Variants in THSD7B observed in about 807,000 individuals in gnomAD.
THSD7B encodes the protein thrombospondin type-1 domain-containing protein 7B.
THSD7B carries 138 observed loss-of-function variants against 213.6 expected under a neutral mutation model. The ratio of observed to expected loss-of-function variants is 0.65; its 90% CI spans 0.56 to 0.74. The LOEUF is 0.74. THSD7B is among the 30% of genes least tolerant of loss of function. The pLI, the probability that THSD7B is intolerant of heterozygous loss-of-function variation, is 0.00. For missense variants in THSD7B, 1,931 were observed against 1,991.5 expected (o/e 0.97, Z 0.58); for synonymous variants, 742 against 687.0 (o/e 1.08, Z -1.25).
At chr2:137,622,579 T>A (rs1194311145) in intron 20 of THSD7B, among the ~76,000 whole-genome samples, 1 of 151,992 alleles carries the variant, frequency 6.6e-6, no homozygotes, top group East Asian at 1.9e-4. Context: ...GATAGACAGC[T>A]GGCAAGACTA....
intron 2 of THSD7B, among the ~76,000 whole-genome samples, chr2:136,926,881 A>G (rs1280843593): frequency 1.3e-5 from 2 of 150,304 alleles, no homozygotes; most frequent in African/African-American, 2.5e-5. Flanking sequence ...CAAGTGTTCT[A>G]TAATTTCTCC....
intron 1 of THSD7B, among the ~76,000 whole-genome samples, chr2:136,786,220 T>A (rs1681845005): frequency 6.6e-6 from 1 of 152,200 alleles, no homozygotes; most frequent in Admixed American, 6.5e-5. Flanking sequence ...CACTTTAGTG[T>A]ATATTCACTT....
At chr2:137,280,351 A>G (rs1020255697) in intron 12 of THSD7B, among the ~76,000 whole-genome samples, 9 of 152,132 alleles carry the variant, frequency 5.9e-5, no homozygotes, top group Non-Finnish European at 1.2e-4. Flanking sequence ...ATACATTCAG[A>G]AAATACAAAT....
rs999080813 is a variant in THSD7B, at chr2:136,962,345, G to A, written c.139+80028G>A. ...AAGCTTGTGTCAAGTTGCTACATTC[G>A]TGGTAATTGGTTTACAGAGGCAATA... On this transcript the variant is annotated intron_variant, in intron 2 of 27. Coordinates refer to ENST00000409968, the MANE Select transcript of THSD7B (RefSeq NM_001316349.2). Among the ~76,000 whole-genome samples, 15 of 147,412 alleles carry A rather than the reference G, an allele frequency of 1.0e-4. 1 individual carries two copies. In the East Asian group the frequency reaches 1.2e-3, roughly 12 times the overall value.
chr2:137,264,697 A>G (rs1390082581), intron 10 of THSD7B, among the ~76,000 whole-genome samples: 1 of 152,052 alleles, frequency 6.6e-6, no homozygotes, highest in African/African-American at 2.4e-5. Flanking sequence ...ACACATATAG[A>G]GTAGCTATGG....
At chr2:137,547,592 C>A (rs532805642) in intron 15 of THSD7B, among the ~76,000 whole-genome samples, 1 of 152,136 alleles carries the variant, frequency 6.6e-6, no homozygotes, top group African/African-American at 2.4e-5. Flanking sequence ...AAAGATGCAG[C>A]AATTTCCTCC....
At chr2:137,023,670 G>T (rs72985560) in intron 2 of THSD7B, among the ~76,000 whole-genome samples, 3,035 of 152,136 alleles carry the variant, frequency 0.02, 96 homozygotes, top group African/African-American at 0.07. Context: ...GGTTAGTTAA[G>T]AAAGAATAAG....
intron 1 of THSD7B, among the ~76,000 whole-genome samples, chr2:136,795,725 C>T (rs1230180293): frequency 6.6e-6 from 1 of 151,922 alleles, no homozygotes. Flanking sequence ...TTTACTTACT[C>T]TCACTCCAAC....
Position 137,231,234 on chromosome 2 carries a change from A to G in THSD7B, c.1914A>G (p.Glu638=). The part of the protein sequence containing the change: ...RSRTILALAG[E]GGKPCPPSQA... ...GAACTATCCTGGCACTGGCTGGGGA[A>G]GGTGAGTAACAGAAAAGGTTTTCAC... The change falls in exon 8 of 28, where the codon GAA becomes GAG. Residue 638 remains glutamate (E), a splice_region_variant and synonymous_variant. Transcript: ENST00000409968. 2.5e-6 allele frequency: 4 copies of G among 1,603,656 alleles called. No homozygotes were observed. Among genetic ancestry groups the G allele is most frequent in the Non-Finnish European group, 3.4e-6 (4 of 1,174,258 alleles).
At chr2:137,590,791 A>ATTTTTTTTT (rs1573730097) in intron 17 of THSD7B, among the ~76,000 whole-genome samples, 4 of 96,938 alleles carry the variant, frequency 4.1e-5, no homozygotes, top group African/African-American at 1.2e-4. Flanking sequence ...GCTTTGAAAT[A>ATTTTTTTTT]GTTTTTTTTT....
chr2:137,190,922 G>A (rs1025031005), intron 7 of THSD7B, among the ~76,000 whole-genome samples: 3 of 152,198 alleles, frequency 2.0e-5, no homozygotes, highest in Non-Finnish European at 2.9e-5. Flanking sequence ...GGACTGCTGC[G>A]TGTCTCCTTG....
intron 1 of THSD7B, among the ~76,000 whole-genome samples, chr2:136,850,319 G>A (rs1212380192): frequency 6.6e-6 from 1 of 151,976 alleles, no homozygotes; most frequent in Non-Finnish European, 1.5e-5. Context: ...ATTATGCCAT[G>A]GAAAACAGTG....
chr2:137,389,193 C>CATAT (rs59969102), intron 12 of THSD7B, among the ~76,000 whole-genome samples: 55,537 of 126,832 alleles, frequency 0.44, 12,462 homozygotes, highest in East Asian at 0.62. Flanking sequence ...ATATATCTGT[C>CATAT]ATATATATAT....
rs1558869161 is a variant in THSD7B, at chr2:137,642,630, G to A, written c.3942G>A (p.Leu1314=). ...TTGGCAACTGGTCTGCATGTAAATTGGAGGTAGGTCATGTAATGACAGTTA... is the reference window on the plus strand; with the variant it reads ...TTGGCAACTGGTCTGCATGTAAATTAGAGGTAGGTCATGTAATGACAGTTA... The part of the protein sequence containing the change: ...WVLGNWSACK[L]EGGDCGEGVQ... Residue 1314 remains leucine, a synonymous_variant, in exon 21 of 28, where the codon TTG becomes TTA. Coordinates refer to ENST00000409968, the MANE Select transcript of THSD7B (RefSeq NM_001316349.2). The A allele has an allele frequency of 2.5e-6, 4 of 1,613,484 alleles. No homozygotes were observed. The highest frequency in any genetic ancestry group is 3.4e-6 in the Non-Finnish European group (4 of 1,179,746).
chr2:136,909,143 AC>A (rs1184678880), intron 2 of THSD7B, among the ~76,000 whole-genome samples: 1 of 152,126 alleles, frequency 6.6e-6, no homozygotes, highest in Non-Finnish European at 1.5e-5. Context: ...AGATTGCCCC[AC>A]TGCACTCCAG....
At chr2:137,555,267 G>A (rs376186450) in intron 15 of THSD7B, among the ~76,000 whole-genome samples, 9 of 152,306 alleles carry the variant, frequency 5.9e-5, no homozygotes, top group East Asian at 3.9e-4. Context: ...CCTGACCCCC[G>A]AGTAGCCTAT....
intron 2 of THSD7B, among the ~76,000 whole-genome samples, chr2:137,003,728 C>T (rs1686046672): frequency 6.6e-6 from 1 of 152,114 alleles, no homozygotes; most frequent in Non-Finnish European, 1.5e-5. Context: ...TTAGGCCTCT[C>T]CATGCATTTG....
intron 2 of THSD7B, among the ~76,000 whole-genome samples, chr2:137,042,605 G>A (rs1337335457): frequency 6.6e-6 from 1 of 152,086 alleles, no homozygotes; most frequent in Non-Finnish European, 1.5e-5. Flanking sequence ...TAAACTCAGA[G>A]GGTACAGTGG....
chr2:136,830,322 A>G (rs771605643), intron 1 of THSD7B, among the ~76,000 whole-genome samples: 2 of 152,232 alleles, frequency 1.3e-5, no homozygotes, highest in Non-Finnish European at 2.9e-5. Context: ...ATGGAAAATT[A>G]GCTGCATACC....
Sources: allele counts gnomAD v4.1 joint callset (sites outside exome capture counted in the v4.1 genomes callset), GRCh38; gene constraint gnomAD v4.1.1; transcripts MANE v1.5; gene names NCBI Gene and HGNC (gene_info 2026-07-23, HGNC 2026-07-21).